Variants in CFAP107 observed in about 807,000 individuals in gnomAD.
The protein encoded by CFAP107 is cilia and flagella associated protein 107, also known as cilia- and flagella-associated protein 107.
the CFAP107 span, chr1:12,759,350 C>A: frequency 1.9e-6 from 3 of 1,614,116 alleles, no homozygotes; most frequent in Non-Finnish European, 2.5e-6. Flanking sequence ...CACCAGGAGC[C>A]CCCACATCGC....
At chr1:12,751,915 A>C in the CFAP107 span, among the ~76,000 whole-genome samples, 1 of 152,190 alleles carries the variant, frequency 6.6e-6, no homozygotes, top group Non-Finnish European at 1.5e-5. Flanking sequence ...ATTATAAAGA[A>C]ATAGAAAATC....
chr1:12,760,627 G>T, the CFAP107 span: 7 of 771,484 alleles, frequency 9.1e-6, no homozygotes, highest in South Asian at 1.3e-4. Context: ...TCTTCCCTGT[G>T]GGCCTCTGCC....
the CFAP107 span, chr1:12,763,542 G>A: frequency 2.6e-5 from 4 of 152,192 alleles, no homozygotes; most frequent in East Asian, 7.7e-4. Flanking sequence ...CTCTGACTTG[G>A]GAAGAAGCTG....
chr1:12,753,341 G>GC, the CFAP107 span: 2 of 140,976 alleles, frequency 1.4e-5, no homozygotes. Context: ...CCCAGTAAAG[G>GC]TTTTTTTTTT....
At chr1:12,748,622 T>C in the CFAP107 span, among the ~76,000 whole-genome samples, 2 of 151,958 alleles carry the variant, frequency 1.3e-5, no homozygotes, top group African/African-American at 4.8e-5. Flanking sequence ...CTACAAATAC[T>C]GGAAGATTTG....
chr1:12,749,726 T>C, the CFAP107 span, among the ~76,000 whole-genome samples: 1 of 152,228 alleles, frequency 6.6e-6, no homozygotes, highest in East Asian at 1.9e-4. Flanking sequence ...AAAAAAATAC[T>C]GTTATCTGAT....
the CFAP107 span, among the ~76,000 whole-genome samples, chr1:12,756,250 T>C: frequency 6.6e-6 from 1 of 152,336 alleles, no homozygotes; most frequent in East Asian, 1.9e-4. Flanking sequence ...ACACACCGTA[T>C]TGACTGGGCA....
At chr1:12,759,310 G>A in the CFAP107 span, 4 of 1,613,282 alleles carry the variant, frequency 2.5e-6, no homozygotes, top group Admixed American at 5.0e-5. Context: ...GTCCTTCCAG[G>A]GGCTACCTTA....
the CFAP107 span, among the ~76,000 whole-genome samples, chr1:12,751,999 A>C: frequency 6.6e-6 from 1 of 152,216 alleles, no homozygotes. Flanking sequence ...GCCTAAGACC[A>C]AATGACTTCA....
the CFAP107 span, among the ~76,000 whole-genome samples, chr1:12,753,202 C>T: frequency 6.6e-6 from 1 of 152,014 alleles, no homozygotes; most frequent in Non-Finnish European, 1.5e-5. Flanking sequence ...CAAAACACTG[C>T]TGAAAAATAT....
the CFAP107 span, chr1:12,762,368 T>C: frequency 6.9e-6 from 1 of 145,614 alleles, no homozygotes; most frequent in East Asian, 2.0e-4. Flanking sequence ...GCAGAAAGGT[T>C]GCACCTACCT....
the CFAP107 span, chr1:12,762,430 A>G: frequency 6.7e-6 from 1 of 149,882 alleles, no homozygotes; most frequent in Admixed American, 6.7e-5. Flanking sequence ...CCAAGTGTCC[A>G]TGTAAGGACG....
At chr1:12,748,461 T>TAAA in the CFAP107 span, among the ~76,000 whole-genome samples, 166 of 122,024 alleles carry the variant, frequency 1.4e-3, 1 homozygote, top group African/African-American at 4.4e-3. Flanking sequence ...GTAGGGGAAT[T>TAAA]AAAAAAAAAA....
chr1:12,751,962 T>C, the CFAP107 span, among the ~76,000 whole-genome samples: 1 of 152,236 alleles, frequency 6.6e-6, no homozygotes, highest in East Asian at 1.9e-4. Flanking sequence ...ATTGAATTAG[T>C]AACCAAAAAT....
the CFAP107 span, among the ~76,000 whole-genome samples, chr1:12,760,098 C>T: frequency 6.6e-6 from 1 of 151,944 alleles, no homozygotes; most frequent in African/African-American, 2.4e-5. Context: ...GGGAGCCATA[C>T]AGGGATTGAG....
the CFAP107 span, among the ~76,000 whole-genome samples, chr1:12,760,290 C>T: frequency 9.2e-5 from 14 of 152,306 alleles, no homozygotes; most frequent in South Asian, 8.3e-4. Flanking sequence ...TTTCAAGCCA[C>T]GTCCACACTA....
chr1:12,758,218 C>T, the CFAP107 span, among the ~76,000 whole-genome samples: 8 of 152,132 alleles, frequency 5.3e-5, no homozygotes, highest in Non-Finnish European at 1.2e-4. Flanking sequence ...AACAAGCTCT[C>T]CTTTCAAAGG....
chr1:12,752,300 C>T, the CFAP107 span, among the ~76,000 whole-genome samples: 3 of 151,998 alleles, frequency 2.0e-5, no homozygotes, highest in African/African-American at 7.2e-5. Context: ...AAGAATGGTT[C>T]AGGGCTGGGC....
At chr1:12,761,159 C>A in the CFAP107 span, 6 of 548,508 alleles carry the variant, frequency 1.1e-5, no homozygotes, top group Non-Finnish European at 1.9e-5. Context: ...AATTAAAGAT[C>A]TTTGACACTA....
Sources: gnomAD v4.1 joint callset for allele counts (sites outside exome capture counted in the v4.1 genomes callset) on GRCh38, gnomAD v4.1.1 for gene constraint, MANE v1.5 for transcripts, NCBI Gene and HGNC (gene_info 2026-07-23, HGNC 2026-07-21) for gene names.